The following KBTBD12 variants were observed in gnomAD, a reference collection of about 807,000 sequenced individuals.
KBTBD12 encodes kelch repeat and BTB domain containing 12, also known as kelch repeat and BTB domain-containing protein 12.
KBTBD12 carries 53 observed loss-of-function variants against 58.7 expected under a neutral mutation model. That is an observed-to-expected ratio of 0.90 (90% CI 0.72 to 1.14). The LOEUF (loss-of-function observed/expected upper bound fraction) is 1.14, where lower values mean the gene tolerates loss of function less well. KBTBD12 is among the 50% of genes most tolerant of loss of function. KBTBD12 has a pLI of 0.00. For missense variants in KBTBD12, 704 were observed against 751.3 expected, an observed-to-expected ratio of 0.94 and a Z score of 0.74; for synonymous variants, 236 against 259.8, an observed-to-expected ratio of 0.91 and a Z score of 0.88.
chr3:127,979,071 G>A (rs139637866), intron 5 of KBTBD12, among the ~76,000 whole-genome samples: 48 of 152,290 alleles, frequency 3.2e-4, no homozygotes, highest in African/African-American at 1.0e-3. Context: ...AGGAACTTGC[G>A]GCCTACCTAA....
intron 4 of KBTBD12, among the ~76,000 whole-genome samples, chr3:127,945,501 A>G (rs540084684): frequency 1.6e-4 from 24 of 151,416 alleles, no homozygotes; most frequent in Admixed American, 5.3e-4. Flanking sequence ...AACTATCTTA[A>G]TGGTGATGTC....
chr3:127,929,057 A>C (rs1416580273), intron 3 of KBTBD12, among the ~76,000 whole-genome samples: 2 of 152,144 alleles, frequency 1.3e-5, no homozygotes. Context: ...TTTTGCATGC[A>C]TAAGCCCCAA....
chr3:127,916,293 C>G (rs1939236230), intron 1 of KBTBD12, among the ~76,000 whole-genome samples: 1 of 152,152 alleles, frequency 6.6e-6, no homozygotes, highest in Non-Finnish European at 1.5e-5. Flanking sequence ...GTGAGAAGCA[C>G]AGAGTACATT....
At chr3:127,980,326 A>T (rs577999074) in intron 5 of KBTBD12, among the ~76,000 whole-genome samples, 21 of 152,038 alleles carry the variant, frequency 1.4e-4, no homozygotes, top group Admixed American at 4.6e-4. Context: ...TTATTTATTT[A>T]TTTTTTATTT....
chr3:127,981,576 T>C (rs1940871875), intron 5 of KBTBD12, among the ~76,000 whole-genome samples: 1 of 152,206 alleles, frequency 6.6e-6, no homozygotes, highest in Non-Finnish European at 1.5e-5. Flanking sequence ...TAATCCAGTG[T>C]CCTGCCAGTT....
chr3:127,960,552 A>G (rs1039706593), intron 4 of KBTBD12, among the ~76,000 whole-genome samples: 1 of 152,250 alleles, frequency 6.6e-6, no homozygotes, highest in Non-Finnish European at 1.5e-5. Context: ...GACACCTCTC[A>G]TCAAAAGATT....
Position 127,923,891 on chromosome 3 carries a change from T to C in KBTBD12, c.830T>C (p.Leu277Pro). 1 of 1,613,978 alleles carries C rather than the reference T, an allele frequency of 6.2e-7. No individual in the cohort carries two copies. Among genetic ancestry groups the C allele is most frequent in the African/African-American group, 1.3e-5 (1 of 75,066 alleles). ...TATGGTATGGAGACTACCAGTCTTC[T>C]GCTTTGCATTGGCAACAATTCTTCA... The part of the protein sequence containing the change: ...LRYGMETTSL[L>P]LCIGNNSSGI... Residue 277 changes from leucine to proline, a missense_variant, in exon 2 of 6, where the codon CTG becomes CCG. Coordinates refer to ENST00000405109, the MANE Select transcript of KBTBD12 (RefSeq NM_207335.4).
At chr3:127,938,987 A>G (rs1292888954) in intron 4 of KBTBD12, among the ~76,000 whole-genome samples, 1 of 152,214 alleles carries the variant, frequency 6.6e-6, no homozygotes, top group Non-Finnish European at 1.5e-5. Flanking sequence ...CCTGAAGTCA[A>G]CGCAACTAGA....
chr3:127,962,341 T>C (rs1192457245), intron 4 of KBTBD12, among the ~76,000 whole-genome samples: 2 of 152,178 alleles, frequency 1.3e-5, no homozygotes, highest in African/African-American at 4.8e-5. Flanking sequence ...GATAGGAAAT[T>C]TGTATACAAT....
At chr3:127,947,677 A>G (rs1468174669) in intron 4 of KBTBD12, among the ~76,000 whole-genome samples, 1 of 152,182 alleles carries the variant, frequency 6.6e-6, no homozygotes, top group Non-Finnish European at 1.5e-5. Flanking sequence ...TTGAGGAGAA[A>G]GTTGGCCACA....
At chr3:127,935,648 A>G (rs957695658) in intron 4 of KBTBD12, among the ~76,000 whole-genome samples, 1 of 152,094 alleles carries the variant, frequency 6.6e-6, no homozygotes, top group Non-Finnish European at 1.5e-5. Context: ...AATACAAGAG[A>G]GGGCAGCAAA....
intron 5 of KBTBD12, among the ~76,000 whole-genome samples, chr3:127,972,534 C>T (rs115039514): frequency 0.017 from 2,521 of 152,220 alleles, 65 homozygotes; most frequent in African/African-American, 0.055. Context: ...TGGTTCCAGC[C>T]CTAACAGAGC....
At chr3:127,916,922 G>C (rs946950818) in intron 1 of KBTBD12, among the ~76,000 whole-genome samples, 1 of 152,194 alleles carries the variant, frequency 6.6e-6, no homozygotes, top group African/African-American at 2.4e-5. Flanking sequence ...ACTGGAACAA[G>C]AGGATAGCAA....
At chr3:127,953,190 A>G (rs1397077805) in intron 4 of KBTBD12, among the ~76,000 whole-genome samples, 1 of 152,208 alleles carries the variant, frequency 6.6e-6, no homozygotes, top group Non-Finnish European at 1.5e-5. Flanking sequence ...TGCTTATAGT[A>G]AGTGGCAAAG....
chr3:127,980,870 A>G (rs1940861888), intron 5 of KBTBD12, among the ~76,000 whole-genome samples: 1 of 152,344 alleles, frequency 6.6e-6, no homozygotes, highest in East Asian at 1.9e-4. Context: ...AATCAAAATC[A>G]TACAAATTCT....
Position 127,984,177 on chromosome 3 carries a change from C to T in KBTBD12, c.1771C>T (p.Leu591Phe). 3.1e-6 allele frequency: 5 copies of T among 1,613,552 alleles called. No individual in the cohort carries two copies. The South Asian group carries it at 5.5e-5, about 18-fold the overall frequency. ...NQWNVVAINV[L>F]MHDSYDVCLV... ...GTGGAATGTTGTAGCCATCAACGTC[C>T]TCATGCATGACAGCTATGATGTCTG... The change falls in exon 6 of 6, where the codon CTC (leucine) becomes TTC (phenylalanine). Residue 591 changes from leucine (L) to phenylalanine (F), a missense_variant. Leu to Phe is a conservative substitution (Grantham distance 22, BLOSUM62 0). Coordinates refer to ENST00000405109, the MANE Select transcript of KBTBD12 (RefSeq NM_207335.4).
At chr3:127,964,885 T>A (rs1940532344) in intron 5 of KBTBD12, among the ~76,000 whole-genome samples, 1 of 152,194 alleles carries the variant, frequency 6.6e-6, no homozygotes, top group Non-Finnish European at 1.5e-5. Context: ...ATGCCATGCT[T>A]GGGTAAAGAC....
At chr3:127,944,643 C>G (rs1213184448) in intron 4 of KBTBD12, among the ~76,000 whole-genome samples, 1 of 152,106 alleles carries the variant, frequency 6.6e-6, no homozygotes, top group Non-Finnish European at 1.5e-5. Context: ...TTCTTCCTTT[C>G]CAGTGTGGGT....
At chr3:127,977,232 A>G (rs1940798932) in intron 5 of KBTBD12, among the ~76,000 whole-genome samples, 2 of 152,212 alleles carry the variant, frequency 1.3e-5, no homozygotes, top group Admixed American at 1.3e-4. Flanking sequence ...TATCTGGTCT[A>G]CCACTGATGG....
Sources: allele counts gnomAD v4.1 joint callset (sites outside exome capture counted in the v4.1 genomes callset), GRCh38; gene constraint gnomAD v4.1.1; transcripts MANE v1.5; gene names NCBI Gene and HGNC (gene_info 2026-07-23, HGNC 2026-07-21).